The following THSD7B variants were observed in gnomAD, a reference collection of about 807,000 sequenced individuals.
THSD7B encodes thrombospondin type 1 domain containing 7B.
THSD7B carries 138 observed loss-of-function variants against 213.6 expected under a neutral mutation model. That is an observed-to-expected ratio of 0.65 (90% CI 0.56 to 0.74). The LOEUF is 0.74. Among genes scored for constraint, THSD7B ranks in the 30% least tolerant of loss-of-function variants. The pLI is 0.00. For missense variants in THSD7B, 1,931 were observed against 1,991.5 expected, an observed-to-expected ratio of 0.97 and a Z score of 0.58; for synonymous variants, 742 against 687.0, an observed-to-expected ratio of 1.08 and a Z score of -1.25.
chr2:137,635,303 T>G (rs992856546), intron 20 of THSD7B, among the ~76,000 whole-genome samples: 2 of 152,216 alleles, frequency 1.3e-5, no homozygotes, highest in African/African-American at 4.8e-5. Flanking sequence ...TGATTGAATT[T>G]AGTTCCCAAT....
intron 3 of THSD7B, among the ~76,000 whole-genome samples, chr2:137,083,510 C>T (rs1687783939): frequency 6.6e-6 from 1 of 152,026 alleles, no homozygotes; most frequent in African/African-American, 2.4e-5. Flanking sequence ...TAACATAAAC[C>T]TTGGTATATG....
chr2:137,640,191 G>T lies in THSD7B; in HGVS notation c.3800-2297G>T, dbSNP rs570711489. Among the ~76,000 whole-genome samples, 11 of 152,232 alleles carry T rather than the reference G, an allele frequency of 7.2e-5. 1 individual carries two copies. In the East Asian group the frequency reaches 2.1e-3, roughly 29 times the overall value. On this transcript the variant is annotated intron_variant, in intron 20 of 27. Coordinates refer to ENST00000409968, the MANE Select transcript of THSD7B (RefSeq NM_001316349.2). ...TGAATCATGGGGGCCAGTCTTTCCC[G>T]TGCTATTCTTGTGATAGTGAATAAG...
At chr2:137,598,475 T>C (rs1417125465) in intron 17 of THSD7B, among the ~76,000 whole-genome samples, 3 of 152,192 alleles carry the variant, frequency 2.0e-5, no homozygotes, top group Non-Finnish European at 4.4e-5. Context: ...TAGAATAAAG[T>C]GCTTACAGAA....
chr2:137,047,858 G>A (rs1403287145), intron 2 of THSD7B, among the ~76,000 whole-genome samples: 1 of 152,202 alleles, frequency 6.6e-6, no homozygotes, highest in South Asian at 2.1e-4. Context: ...GAGTTTTGGA[G>A]TGTCTCAAGA....
At chr2:137,560,811 C>A (rs1057099485) in intron 15 of THSD7B, among the ~76,000 whole-genome samples, 1 of 151,914 alleles carries the variant, frequency 6.6e-6, no homozygotes, top group African/African-American at 2.4e-5. Flanking sequence ...ACCATGTGTC[C>A]CTAACAACAC....
intron 1 of THSD7B, among the ~76,000 whole-genome samples, chr2:136,836,796 G>T (rs1202154404): frequency 2.6e-5 from 4 of 151,940 alleles, no homozygotes; most frequent in Admixed American, 6.6e-5. Flanking sequence ...TCTCTCCTTG[G>T]ATGTCTAAAG....
intron 2 of THSD7B, among the ~76,000 whole-genome samples, chr2:136,994,293 G>A (rs945876024): frequency 5.3e-5 from 8 of 152,308 alleles, no homozygotes; most frequent in Non-Finnish European, 1.2e-4. Flanking sequence ...AGGGCCGGGC[G>A]CGGTGGCTCA....
chr2:137,164,304 G>A (rs1319877203), intron 6 of THSD7B, among the ~76,000 whole-genome samples: 1 of 152,142 alleles, frequency 6.6e-6, no homozygotes, highest in African/African-American at 2.4e-5. Context: ...GGCCATCAGA[G>A]AAATGCAAAT....
chr2:137,056,404 GT>G lies in THSD7B; in HGVS notation c.140-11del. 1.3e-6 allele frequency: 2 copies of G among 1,592,462 alleles called. No homozygotes were observed. The highest frequency in any genetic ancestry group is 1.3e-5 in the African/African-American group (1 of 74,388). On this transcript the variant is annotated splice_polypyrimidine_tract_variant and intron_variant, in intron 2 of 27. Coordinates refer to ENST00000409968, the MANE Select transcript of THSD7B (RefSeq NM_001316349.2). Reference sequence around the variant, plus strand: ...TAATCTCTGAGTAATTAACATCCTTGTTTTTCTGCCTGTAGGTCCGTGGGGA... The same window carrying G: ...TAATCTCTGAGTAATTAACATCCTTGTTTTCTGCCTGTAGGTCCGTGGGGA...
At chr2:137,357,374 A>G (rs1413190448) in intron 12 of THSD7B, among the ~76,000 whole-genome samples, 9 of 152,118 alleles carry the variant, frequency 5.9e-5, no homozygotes, top group Non-Finnish European at 5.9e-5. Flanking sequence ...TTGTTTTTTA[A>G]TTTGGGGAAA....
chr2:136,818,302 A>AC (rs1225549688), intron 1 of THSD7B, among the ~76,000 whole-genome samples: 1 of 135,848 alleles, frequency 7.4e-6, no homozygotes, highest in Admixed American at 7.6e-5. Context: ...CAAGAACAAA[A>AC]AACCAAACAC....
At chr2:136,819,050 C>T (rs1006289549) in intron 1 of THSD7B, among the ~76,000 whole-genome samples, 4 of 152,108 alleles carry the variant, frequency 2.6e-5, no homozygotes, top group Non-Finnish European at 4.4e-5. Flanking sequence ...ACGAACTGAG[C>T]GGCTCTGTGC....
intron 2 of THSD7B, among the ~76,000 whole-genome samples, chr2:136,941,318 G>T (rs188397312): frequency 6.6e-6 from 1 of 152,136 alleles, no homozygotes; most frequent in South Asian, 2.1e-4. Context: ...GTAAGCATAC[G>T]TGTTCATGTG....
intron 8 of THSD7B, among the ~76,000 whole-genome samples, chr2:137,231,509 T>G (rs1262927368): frequency 1.3e-5 from 2 of 152,186 alleles, no homozygotes; most frequent in Non-Finnish European, 2.9e-5. Flanking sequence ...TACAGAACCC[T>G]TCTTAGACAA....
At chr2:137,579,093 T>C (rs956522236) in intron 17 of THSD7B, among the ~76,000 whole-genome samples, 3 of 152,126 alleles carry the variant, frequency 2.0e-5, no homozygotes, top group Non-Finnish European at 4.4e-5. Flanking sequence ...ATAGAAAACA[T>C]ATTCTAGAGG....
chr2:137,265,612 G>T (rs577103311), intron 10 of THSD7B, among the ~76,000 whole-genome samples: 4 of 152,288 alleles, frequency 2.6e-5, no homozygotes, highest in Admixed American at 2.0e-4. Flanking sequence ...GAATTCTGTG[G>T]CAAGAAATAA....
chr2:137,471,434 T>A (rs1370487930), intron 15 of THSD7B, among the ~76,000 whole-genome samples: 1 of 152,128 alleles, frequency 6.6e-6, no homozygotes, highest in Non-Finnish European at 1.5e-5. Context: ...TTCAAATTTG[T>A]GATCCTCAAA....
chr2:137,671,272 A>C (rs1683570399), intron 27 of THSD7B, among the ~76,000 whole-genome samples: 1 of 150,604 alleles, frequency 6.6e-6, no homozygotes, highest in Admixed American at 6.6e-5. Flanking sequence ...AGCTTGTGGT[A>C]TAACAAATGT....
At chr2:137,276,342 G>C (rs1005244403) in intron 12 of THSD7B, among the ~76,000 whole-genome samples, 2 of 152,016 alleles carry the variant, frequency 1.3e-5, no homozygotes, top group Non-Finnish European at 2.9e-5. Context: ...TGAAGGTTTT[G>C]TCAAGATGAG....
Sources: gnomAD v4.1 joint callset for allele counts (sites outside exome capture counted in the v4.1 genomes callset) on GRCh38, gnomAD v4.1.1 for gene constraint, MANE v1.5 for transcripts, NCBI Gene and HGNC (gene_info 2026-07-23, HGNC 2026-07-21) for gene names.